Variants in NREP observed in about 807,000 individuals in gnomAD.
NREP encodes the protein neuronal regeneration related protein.
Under a neutral mutation model 8.6 loss-of-function variants are expected in NREP, and 5 were observed. The ratio of observed to expected loss-of-function variants is 0.58; its 90% CI spans 0.30 to 1.22. The LOEUF (loss-of-function observed/expected upper bound fraction) is 1.22, where lower values mean the gene tolerates loss of function less well. Among genes scored for constraint, NREP ranks in the 50% most tolerant of loss-of-function variants. The pLI is 0.07. For missense variants in NREP, 86 were observed against 82.5 expected, an observed-to-expected ratio of 1.04 and a Z score of -0.17; for synonymous variants, 27 against 28.0, an observed-to-expected ratio of 0.96 and a Z score of 0.11.
chr5:111,735,585 G>C lies in NREP; in HGVS notation c.4-78C>G, dbSNP rs370298003. ...AAACTACACGGGATAACCTTAATGA[G>C]CTCAATTCTCCTCAATGGTTACTTA... On this transcript the variant is annotated intron_variant, in intron 2 of 3. Coordinates refer to ENST00000257435, the MANE Select transcript of NREP (RefSeq NM_004772.4). 11 of 998,792 alleles carry C rather than the reference G, an allele frequency of 1.1e-5. No individual in the cohort carries two copies. The African/African-American group carries it at 1.4e-4, about 13-fold the overall frequency. 61.9% of individuals were successfully genotyped at this position (998,792 alleles called of 1,614,324 possible).
chr5:111,766,639 C>T (rs1751091944), intron 2 of NREP, among the ~76,000 whole-genome samples: 1 of 152,210 alleles, frequency 6.6e-6, no homozygotes, highest in South Asian at 2.1e-4. Context: ...CCTTTGTCAA[C>T]TAGGCCATCC....
intron 2 of NREP, among the ~76,000 whole-genome samples, chr5:111,862,075 TCATA>T (rs1753555935): frequency 6.6e-6 from 1 of 152,172 alleles, no homozygotes; most frequent in South Asian, 2.1e-4. Flanking sequence ...TTAAGTCACA[TCATA>T]CAAGCAAATA....
In NREP at chr5:111,824,161, G is replaced by A. The variant is rs1157210005; in HGVS notation, c.136-88654C>T. Among the ~76,000 whole-genome samples the A allele has an allele frequency of 2.6e-5, 4 of 152,188 alleles. No individual in the cohort carries two copies. The East Asian group carries it at 7.7e-4, about 29-fold the overall frequency. Reference sequence around the variant, plus strand: ...TGAGTCGGGCGGATCACGAGGTCAGGAGATCAAGGCCATCCTGGCTAACAC... The same window carrying A: ...TGAGTCGGGCGGATCACGAGGTCAGAAGATCAAGGCCATCCTGGCTAACAC... On this transcript the variant is annotated intron_variant, in intron 2 of 3. Coordinates refer to the NREP transcript ENST00000395634.
At position 111,886,910 on chromosome 5, in the gene NREP, C is replaced by T. The variant is rs1478316202; in HGVS notation, c.135+88364G>A. 2.0e-5 allele frequency among the ~76,000 whole-genome samples: 3 copies of T among 151,600 alleles called. No homozygotes were observed. The East Asian group carries it at 5.8e-4, about 29-fold the overall frequency. On this transcript the variant is annotated intron_variant, in intron 2 of 3. Transcript: ENST00000395634. ...ATGGGTGCAGCACACCAGCATGGCACATGTATACATATGTAACTAAACTGC... is the reference window on the plus strand; with the variant it reads ...ATGGGTGCAGCACACCAGCATGGCATATGTATACATATGTAACTAAACTGC...
intron 2 of NREP, among the ~76,000 whole-genome samples, chr5:111,825,264 G>A (rs977674498): frequency 6.6e-6 from 1 of 151,974 alleles, no homozygotes; most frequent in Non-Finnish European, 1.5e-5. Context: ...AAAAGGCCTA[G>A]GCAGCAATGT....
Position 111,901,666 on chromosome 5 carries a change from A to G in NREP, c.135+73608T>C, listed in dbSNP as rs143043161. 4.6e-5 allele frequency among the ~76,000 whole-genome samples: 7 copies of G among 152,288 alleles called. No homozygotes were observed. In the East Asian group the frequency reaches 9.6e-4, roughly 21 times the overall value. ...AAATCAGTAGTGTTTCTAGACACTA[A>G]TAAACAACTAGCTGAAAAAGAAACC... On this transcript the variant is annotated intron_variant, in intron 2 of 3. Transcript: ENST00000395634.
At chr5:111,965,290 A>T (rs534874481) in intron 2 of NREP, among the ~76,000 whole-genome samples, 1 of 152,292 alleles carries the variant, frequency 6.6e-6, no homozygotes, top group African/African-American at 2.4e-5. Flanking sequence ...ATCACTGGAA[A>T]GGGAAATAAA....
chr5:111,749,776 C>T (rs1263240033), intron 2 of NREP, among the ~76,000 whole-genome samples: 1 of 152,124 alleles, frequency 6.6e-6, no homozygotes, highest in Admixed American at 6.5e-5. Flanking sequence ...GCTGAACCTG[C>T]TGGGATCTGC....
chr5:111,933,765 C>A (rs922395888), intron 2 of NREP, among the ~76,000 whole-genome samples: 1 of 152,152 alleles, frequency 6.6e-6, no homozygotes, highest in South Asian at 2.1e-4. Flanking sequence ...CTGAAGAATT[C>A]TTTTTGCTCT....
intron 2 of NREP, among the ~76,000 whole-genome samples, chr5:111,835,736 G>A (rs1752877107): frequency 1.3e-5 from 2 of 152,062 alleles, no homozygotes; most frequent in African/African-American, 4.8e-5. Context: ...TAAGACTTCA[G>A]GCTTTTGAGC....
intron 2 of NREP, among the ~76,000 whole-genome samples, chr5:111,829,214 C>T (rs574751945): frequency 2.0e-5 from 3 of 152,194 alleles, no homozygotes; most frequent in East Asian, 3.9e-4. Context: ...GGACATTAAG[C>T]GGCATGCTAA....
intron 2 of NREP, among the ~76,000 whole-genome samples, chr5:111,831,943 G>A (rs531802036): frequency 6.6e-6 from 1 of 152,300 alleles, no homozygotes; most frequent in Non-Finnish European, 1.5e-5. Context: ...TGAGTACACT[G>A]CTTGCTGAGT....
chr5:111,940,949 A>C (rs1307435000), intron 2 of NREP, among the ~76,000 whole-genome samples: 3 of 152,110 alleles, frequency 2.0e-5, no homozygotes, highest in Non-Finnish European at 4.4e-5. Context: ...GATATGTCAT[A>C]TAATGTCTTC....
chr5:111,856,150 T>C (rs894159620), intron 2 of NREP, among the ~76,000 whole-genome samples: 1 of 152,180 alleles, frequency 6.6e-6, no homozygotes, highest in Non-Finnish European at 1.5e-5. Flanking sequence ...GAGGATGCTG[T>C]CTGCTCACAG....
At chr5:111,902,156 CA>C (rs1435127194) in intron 2 of NREP, among the ~76,000 whole-genome samples, 6 of 151,846 alleles carry the variant, frequency 4.0e-5, no homozygotes, top group African/African-American at 1.5e-4. Context: ...TATTTTCAGC[CA>C]ACTGATTTTT....
At chr5:111,904,487 T>C (rs567397171) in intron 2 of NREP, among the ~76,000 whole-genome samples, 1 of 152,284 alleles carries the variant, frequency 6.6e-6, no homozygotes, top group South Asian at 2.1e-4. Context: ...TTCCAGAATG[T>C]CATATCATTG....
At chr5:111,836,892 A>C (rs746082151) in intron 2 of NREP, among the ~76,000 whole-genome samples, 4 of 151,996 alleles carry the variant, frequency 2.6e-5, no homozygotes, top group African/African-American at 4.8e-5. Context: ...TCTGGGTGCT[A>C]GGACAACACA....
At chr5:111,878,035 T>C (rs1753953700) in intron 2 of NREP, among the ~76,000 whole-genome samples, 1 of 152,098 alleles carries the variant, frequency 6.6e-6, no homozygotes, top group Non-Finnish European at 1.5e-5. Context: ...AGGTTAGAGA[T>C]ATGGAACTGG....
chr5:111,865,781 T>A (rs1753650533), intron 2 of NREP, among the ~76,000 whole-genome samples: 1 of 152,112 alleles, frequency 6.6e-6, no homozygotes. Context: ...GTAACGTGGA[T>A]ACAAAGCACT....
Sources: allele counts gnomAD v4.1 joint callset (sites outside exome capture counted in the v4.1 genomes callset), GRCh38; gene constraint gnomAD v4.1.1; transcripts MANE v1.5; gene names NCBI Gene and HGNC (gene_info 2026-07-23, HGNC 2026-07-21).